SFXN5: variants seen among roughly 807,000 people sequenced by gnomAD.
SFXN5 encodes sideroflexin-5.
SFXN5 carries 43 observed loss-of-function variants against 50.2 expected under a neutral mutation model. The observed-to-expected ratio is 0.86, with a 90% confidence interval of 0.67 to 1.11. SFXN5 has a LOEUF of 1.11. SFXN5 is among the 50% of genes least tolerant of loss of function. The pLI is 0.00. For missense variants in SFXN5, 463 were observed against 454.1 expected (o/e 1.02, Z -0.18); for synonymous variants, 203 against 185.8 (o/e 1.09, Z -0.75).
chr2:73,050,818 T>C (rs1681214714), intron 2 of SFXN5, among the ~76,000 whole-genome samples: 1 of 152,254 alleles, frequency 6.6e-6, no homozygotes, highest in East Asian at 1.9e-4. Context: ...ATTCTTTACA[T>C]GGCCAGGCTA....
At chr2:72,967,627 C>G (rs548916321) in intron 12 of SFXN5, among the ~76,000 whole-genome samples, 6 of 152,146 alleles carry the variant, frequency 3.9e-5, no homozygotes, top group Non-Finnish European at 8.8e-5. Context: ...TAACCCCATC[C>G]CTGTCCTTAT....
chr2:72,957,482 A>C (rs890236028), intron 13 of SFXN5, among the ~76,000 whole-genome samples: 9 of 152,234 alleles, frequency 5.9e-5, no homozygotes, highest in Non-Finnish European at 1.2e-4. Context: ...ACTCCACAAC[A>C]ATCACTGCAG....
chr2:73,065,096 T>TA (rs139946078), intron 1 of SFXN5, among the ~76,000 whole-genome samples: 9,140 of 151,914 alleles, frequency 0.06, 326 homozygotes, highest in East Asian at 0.14. Context: ...CAGAAGTTGT[T>TA]AAAAAACTTC....
chr2:72,998,999 T>C lies in SFXN5; in HGVS notation c.484A>G (p.Lys162Glu). ...GCTCCCAGGTATCCCTGGATGAACT[T>C]GGATGCAGGTGAAGGCTGGAAAACA... ...RNATKPSPAS[K>E]FIQGYLGAVI... Residue 162 changes from lysine (K) to glutamate (E), a missense_variant, in exon 9 of 14, where the codon AAG (lysine) becomes GAG (glutamate). Lys to Glu is a moderately conservative substitution (Grantham distance 56). Coordinates refer to ENST00000272433, the MANE Select transcript of SFXN5 (RefSeq NM_144579.3). The C allele has an allele frequency of 6.2e-7, 1 of 1,614,120 alleles. No individual in the cohort carries two copies. The highest frequency in any genetic ancestry group is 8.5e-7 in the Non-Finnish European group (1 of 1,180,004).
chr2:73,043,752 A>T (rs1481316762), intron 2 of SFXN5, among the ~76,000 whole-genome samples: 1 of 152,240 alleles, frequency 6.6e-6, no homozygotes, highest in Admixed American at 6.5e-5. Context: ...AAAATATCAG[A>T]ACAAAAAATG....
chr2:72,956,483 G>A (rs1425389464), intron 13 of SFXN5, among the ~76,000 whole-genome samples: 1 of 152,066 alleles, frequency 6.6e-6, no homozygotes, highest in Non-Finnish European at 1.5e-5. Context: ...AAGCAATTTG[G>A]AGCCCAGAAG....
chr2:73,032,215 A>G (rs1574174224), intron 3 of SFXN5, among the ~76,000 whole-genome samples: 1 of 152,190 alleles, frequency 6.6e-6, no homozygotes, highest in East Asian at 1.9e-4. Context: ...CAAGAGTTCA[A>G]CGTCTTCTCA....
chr2:73,016,222 T>C (rs913453610), intron 6 of SFXN5, among the ~76,000 whole-genome samples: 2 of 152,228 alleles, frequency 1.3e-5, no homozygotes, highest in African/African-American at 4.8e-5. Flanking sequence ...ACCCTGAAGA[T>C]ATATTCCAAC....
chr2:73,052,894 A>C (rs1247243758), intron 2 of SFXN5, among the ~76,000 whole-genome samples: 1 of 152,186 alleles, frequency 6.6e-6, no homozygotes, highest in East Asian at 1.9e-4. Flanking sequence ...ATTCCCCCAC[A>C]TGGCCAGACA....
chr2:72,963,011 C>A (rs545698281), intron 12 of SFXN5, among the ~76,000 whole-genome samples: 1 of 152,142 alleles, frequency 6.6e-6, no homozygotes, highest in South Asian at 2.1e-4. Context: ...CCTTAGGGGT[C>A]GTGGAGGGGC....
intron 10 of SFXN5, among the ~76,000 whole-genome samples, chr2:72,974,557 G>A (rs1034198544): frequency 3.9e-5 from 6 of 152,116 alleles, no homozygotes; most frequent in African/African-American, 9.7e-5. Flanking sequence ...CCTTGAAACC[G>A]GCAATTCTTA....
At chr2:72,967,405 A>C (rs983545328) in intron 12 of SFXN5, 1 of 152,174 alleles carries the variant, frequency 6.6e-6, no homozygotes, top group African/African-American at 2.4e-5. Flanking sequence ...AAAGGACTTC[A>C]AGGGAGAGGA....
intron 12 of SFXN5, among the ~76,000 whole-genome samples, chr2:72,963,476 A>C (rs557374772): frequency 6.6e-6 from 1 of 151,734 alleles, no homozygotes; most frequent in South Asian, 2.1e-4. Flanking sequence ...AGGCTGAAAC[A>C]GGAGCCTCGG....
In SFXN5 at chr2:72,973,634, G is replaced by A. The variant is rs1670282720; in HGVS notation, c.626-1949C>T. On this transcript the variant is annotated intron_variant, in intron 10 of 13. Coordinates refer to ENST00000272433, the MANE Select transcript of SFXN5 (RefSeq NM_144579.3). This position sits in a 1 kb window ranked among gnomAD's most constrained non-coding sequence, Gnocchi z 5.5. ...TAGCAGGGCATGACCAGGAGGGGAT[G>A]GGAGCCTGGGTTTGGGGCCATCGGG... is the stretch of plus-strand genomic sequence containing the variant. Among the ~76,000 whole-genome samples, 1 of 152,210 alleles carries A rather than the reference G, an allele frequency of 6.6e-6. No individual in the cohort carries two copies. Among genetic ancestry groups the A allele is most frequent in the Non-Finnish European group, 1.5e-5 (1 of 68,034 alleles).
intron 1 of SFXN5, chr2:73,059,974 T>C (rs1300895044): frequency 1.6e-6 from 1 of 642,774 alleles, no homozygotes; most frequent in African/African-American, 2.0e-5. Flanking sequence ...ATGCAGCCTT[T>C]AAAACTATGT....
In SFXN5 at chr2:72,998,872, A is replaced by T. The variant is rs1016672724; in HGVS notation, c.534+77T>A. The T allele has an allele frequency of 1.5e-5, 23 of 1,503,546 alleles. No homozygotes were observed. The African/African-American group carries it at 3.2e-4, about 21-fold the overall frequency. The allele number at this position is 1,503,546 out of a possible 1,614,324, so 93.1% of individuals were successfully genotyped here. On this transcript the variant is annotated intron_variant, in intron 9 of 13. Coordinates refer to ENST00000272433, the MANE Select transcript of SFXN5 (RefSeq NM_144579.3). ...TCCTTGCCTGGCCTGGCCCTCAGAC[A>T]AGCATCCACCTGCAATGCTGAGCGG... is the stretch of plus-strand genomic sequence containing the variant.
At chr2:73,008,277 T>C (rs1385668917) in intron 6 of SFXN5, among the ~76,000 whole-genome samples, 1 of 152,208 alleles carries the variant, frequency 6.6e-6, no homozygotes, top group East Asian at 1.9e-4. Flanking sequence ...TAGGTGTTCA[T>C]GGTCTGCCCT....
Position 72,960,420 on chromosome 2 carries a change from G to A in SFXN5, c.945+711C>T, listed in dbSNP as rs1673589289. Among the ~76,000 whole-genome samples the A allele has an allele frequency of 6.6e-6, 1 of 151,778 alleles. No individual in the cohort carries two copies. The highest frequency in any genetic ancestry group is 6.6e-5 in the Admixed American group (1 of 15,234). ...AGCCGCCTCCTGACTCCCTCTTTAGGGACCCACTTCTCTCCATGCCCACTG... is the reference window on the plus strand; with the variant it reads ...AGCCGCCTCCTGACTCCCTCTTTAGAGACCCACTTCTCTCCATGCCCACTG... On this transcript the variant is annotated intron_variant, in intron 13 of 13. Coordinates refer to ENST00000272433, the MANE Select transcript of SFXN5 (RefSeq NM_144579.3). This position sits in a 1 kb window ranked among gnomAD's most constrained non-coding sequence, Gnocchi z 6.1.
chr2:72,993,464 T>C (rs1250396705), intron 9 of SFXN5, among the ~76,000 whole-genome samples: 1 of 152,156 alleles, frequency 6.6e-6, no homozygotes, highest in African/African-American at 2.4e-5. Flanking sequence ...CTGGCAACAG[T>C]GACCAATCCT....
Sources: allele counts gnomAD v4.1 joint callset (sites outside exome capture counted in the v4.1 genomes callset), GRCh38; gene constraint gnomAD v4.1.1; non-coding constraint Gnocchi (gnomAD v3.1); transcripts MANE v1.5; gene names NCBI Gene and HGNC (gene_info 2026-07-23, HGNC 2026-07-21).